Variants in GUCY1A2 observed in about 807,000 individuals in gnomAD.
GUCY1A2 encodes the protein guanylate cyclase soluble subunit alpha-2.
GUCY1A2 carries 27 observed loss-of-function variants against 63.5 expected under a neutral mutation model. The observed-to-expected ratio is 0.43, with a 90% CI of 0.31 to 0.59. The LOEUF is 0.59. GUCY1A2 is among the 20% of genes least tolerant of loss of function. GUCY1A2 has a pLI of 0.11. For synonymous variants in GUCY1A2, 364 were observed against 343.5 expected, an observed-to-expected ratio of 1.06 and a Z score of -0.66; for missense variants, 768 against 913.3, an observed-to-expected ratio of 0.84 and a Z score of 2.05.
chr11:106,837,118 T>G (rs1859127683), intron 4 of GUCY1A2, among the ~76,000 whole-genome samples: 1 of 151,842 alleles, frequency 6.6e-6, no homozygotes, highest in African/African-American at 2.4e-5. Context: ...TACCCAATAG[T>G]TATTTTTTTC....
intron 6 of GUCY1A2, among the ~76,000 whole-genome samples, chr11:106,754,560 C>A (rs892686327): frequency 6.6e-6 from 1 of 152,164 alleles, no homozygotes; most frequent in African/African-American, 2.4e-5. Context: ...GAGTTTTTAG[C>A]ATGAAGGGCT....
At chr11:106,827,272 T>A in intron 4 of GUCY1A2, 1 of 1,553,570 alleles carries the variant, frequency 6.4e-7, no homozygotes. Flanking sequence ...GGTTCTTTTA[T>A]ATGCAATTTT....
At chr11:106,864,863 T>C (rs1859569013) in intron 4 of GUCY1A2, among the ~76,000 whole-genome samples, 1 of 152,128 alleles carries the variant, frequency 6.6e-6, no homozygotes, top group African/African-American at 2.4e-5. Context: ...TCAGGGATAT[T>C]GGCCTGAAGC....
intron 6 of GUCY1A2, among the ~76,000 whole-genome samples, chr11:106,744,954 T>A (rs1228056067): frequency 6.6e-6 from 1 of 152,122 alleles, no homozygotes; most frequent in Admixed American, 6.5e-5. Flanking sequence ...ATTTTGAATT[T>A]TAAAAAAAAT....
chr11:106,794,302 C>A (rs1864715428), intron 5 of GUCY1A2, among the ~76,000 whole-genome samples: 1 of 152,100 alleles, frequency 6.6e-6, no homozygotes, highest in Non-Finnish European at 1.5e-5. Flanking sequence ...CTGAGTTTCT[C>A]ATATGAACAG....
At chr11:106,808,168 G>C (rs1293512828) in intron 5 of GUCY1A2, among the ~76,000 whole-genome samples, 1 of 151,972 alleles carries the variant, frequency 6.6e-6, no homozygotes, top group Non-Finnish European at 1.5e-5. Flanking sequence ...GATATGTTAA[G>C]AACACCAAGG....
chr11:106,845,662 C>T (rs1226745312), intron 4 of GUCY1A2, among the ~76,000 whole-genome samples: 2 of 151,210 alleles, frequency 1.3e-5, no homozygotes, highest in Non-Finnish European at 3.0e-5. Context: ...AAAAAAGAGG[C>T]CCAGAAAATT....
chr11:106,895,115 C>T (rs1860028642), intron 4 of GUCY1A2, among the ~76,000 whole-genome samples: 2 of 151,650 alleles, frequency 1.3e-5, no homozygotes, highest in South Asian at 4.2e-4. Flanking sequence ...CAAAGAAATA[C>T]TCTATGCCCA....
chr11:106,756,117 C>A (rs1350288069), intron 6 of GUCY1A2, among the ~76,000 whole-genome samples: 1 of 152,112 alleles, frequency 6.6e-6, no homozygotes, highest in Non-Finnish European at 1.5e-5. Flanking sequence ...TTCTTTGTCT[C>A]TTTTGATCTT....
Position 106,687,506 on chromosome 11 carries a change from TG to T in GUCY1A2, c.*42del, listed in dbSNP as rs750674642. Reference sequence around the variant, plus strand: ...CACCCCCCATTGGTGACCCATGTTCTGGGCTTGTGCTTTTTGGAGGAGTCTT... The same window carrying T: ...CACCCCCCATTGGTGACCCATGTTCTGGCTTGTGCTTTTTGGAGGAGTCTT... On this transcript the variant is annotated 3_prime_UTR_variant, in exon 8 of 8. Transcript: ENST00000526355. The T allele has an allele frequency of 3.5e-6, 5 of 1,444,376 alleles. No homozygotes were observed. The highest frequency in any genetic ancestry group is 2.9e-6 in the Non-Finnish European group (3 of 1,025,958). The allele number at this position is 1,444,376 out of a possible 1,614,324, so 89.5% of individuals were successfully genotyped here.
chr11:106,776,058 G>A (rs1265940517), intron 6 of GUCY1A2, among the ~76,000 whole-genome samples: 2 of 152,186 alleles, frequency 1.3e-5, no homozygotes, highest in East Asian at 3.9e-4. Context: ...TCTACAGGAA[G>A]TTGCGCAGGT....
intron 3 of GUCY1A2, among the ~76,000 whole-genome samples, chr11:106,940,567 T>C (rs1860739675): frequency 6.6e-6 from 1 of 152,220 alleles, no homozygotes; most frequent in Non-Finnish European, 1.5e-5. Context: ...TTACAATCCA[T>C]GAACCTACAT....
At chr11:106,909,108 C>T (rs1170630540) in intron 4 of GUCY1A2, among the ~76,000 whole-genome samples, 1 of 151,902 alleles carries the variant, frequency 6.6e-6, no homozygotes, top group Non-Finnish European at 1.5e-5. Context: ...CATCAAACAA[C>T]AGAACCTTAT....
intron 3 of GUCY1A2, among the ~76,000 whole-genome samples, chr11:106,948,159 C>A (rs1860855933): frequency 1.3e-5 from 2 of 152,016 alleles, no homozygotes; most frequent in South Asian, 2.1e-4. Context: ...TAGATGACTG[C>A]AAAGTTTTTA....
chr11:106,856,950 A>G (rs1859444890), intron 4 of GUCY1A2, among the ~76,000 whole-genome samples: 1 of 152,196 alleles, frequency 6.6e-6, no homozygotes, highest in Non-Finnish European at 1.5e-5. Flanking sequence ...ACTTCTAGAA[A>G]ACAAAGCTAA....
intron 4 of GUCY1A2, among the ~76,000 whole-genome samples, chr11:106,912,746 GA>G (rs1860312955): frequency 6.6e-6 from 1 of 151,948 alleles, no homozygotes; most frequent in African/African-American, 2.4e-5. Flanking sequence ...AACCTATAAA[GA>G]AAAAAGAACA....
rs1399542861 is a variant in GUCY1A2 at position 106,998,311 on chromosome 11, A to G, written c.304-12180T>C. Among the ~76,000 whole-genome samples the G allele has an allele frequency of 2.6e-5, 4 of 152,300 alleles. No individual in the cohort carries two copies. The East Asian group carries it at 7.7e-4, about 29-fold the overall frequency. Reference sequence around the variant, plus strand: ...AGAGGGTGAAAGGATGTGAATAAGAAAGGGATATTGGGAACAGCTGCTTAC... The same window carrying G: ...AGAGGGTGAAAGGATGTGAATAAGAGAGGGATATTGGGAACAGCTGCTTAC... On this transcript the variant is annotated intron_variant, in intron 1 of 7. Transcript: ENST00000526355.
intron 4 of GUCY1A2, among the ~76,000 whole-genome samples, chr11:106,934,178 A>G (rs1860644239): frequency 6.6e-6 from 1 of 152,224 alleles, no homozygotes; most frequent in Non-Finnish European, 1.5e-5. Flanking sequence ...AAAGGTAAGC[A>G]ACACACAAAT....
intron 1 of GUCY1A2, among the ~76,000 whole-genome samples, chr11:106,987,131 G>T (rs1053735531): frequency 6.6e-6 from 1 of 152,086 alleles, no homozygotes; most frequent in Non-Finnish European, 1.5e-5. Flanking sequence ...AGCACTCAAG[G>T]CCTCATCAAA....
Sources: gnomAD v4.1 joint callset for allele counts (sites outside exome capture counted in the v4.1 genomes callset) on GRCh38, gnomAD v4.1.1 for gene constraint, MANE v1.5 for transcripts, NCBI Gene and HGNC (gene_info 2026-07-23, HGNC 2026-07-21) for gene names.